NRG2: variants seen among roughly 807,000 people sequenced by gnomAD.
The protein encoded by NRG2 is neuregulin 2.
NRG2 carries 27 observed loss-of-function variants against 73.9 expected under a neutral mutation model. The ratio of observed to expected loss-of-function variants is 0.37; its 90% confidence interval spans 0.27 to 0.50. NRG2 has a LOEUF of 0.50. Among genes scored for constraint, NRG2 ranks in the 20% least tolerant of loss-of-function variants. The probability of loss-of-function intolerance (pLI) is 0.96; values close to 1 mark genes in which losing one functional copy is unlikely to be tolerated. For missense variants in NRG2, 1,126 were observed against 1,210.1 expected (o/e 0.93, Z 1.03); for synonymous variants, 532 against 541.0 (o/e 0.98, Z 0.23).
chr5:139,882,996 G>A lies in NRG2; in HGVS notation c.873-2022C>T, dbSNP rs141157601. On this transcript the variant is annotated intron_variant, in intron 2 of 9. Transcript: ENST00000361474. Reference sequence around the variant, plus strand: ...GCTGTCTGATGATTTCATAGAAGCCGGCCCCAGAGATGCACACGGGGCTCT... The same window carrying A: ...GCTGTCTGATGATTTCATAGAAGCCAGCCCCAGAGATGCACACGGGGCTCT... 1.6e-3 allele frequency among the ~76,000 whole-genome samples: 240 copies of A among 152,142 alleles called. 1 individual carries two copies. The highest frequency in any genetic ancestry group is 5.3e-3 in the African/African-American group (219 of 41,494).
chr5:139,873,547 G>A (rs1432267885), intron 3 of NRG2, among the ~76,000 whole-genome samples: 2 of 152,244 alleles, frequency 1.3e-5, no homozygotes, highest in African/African-American at 4.8e-5. Flanking sequence ...GAGCCTCAGG[G>A]CTCCTAGCCC....
chr5:139,955,790 G>A (rs866673358), intron 1 of NRG2, among the ~76,000 whole-genome samples: 1 of 152,158 alleles, frequency 6.6e-6, no homozygotes, highest in East Asian at 1.9e-4. Flanking sequence ...GAGGAGAAAC[G>A]TGACAAAGTG....
chr5:139,847,896 G>T lies in NRG2; in HGVS notation c.*21C>A, dbSNP rs1257979894. 3 of 1,405,416 alleles carry T rather than the reference G, an allele frequency of 2.1e-6. No individual in the cohort carries two copies. Among genetic ancestry groups the T allele is most frequent in the Non-Finnish European group, 2.8e-6 (3 of 1,085,354 alleles). 87.1% of individuals were successfully genotyped at this position (1,405,416 alleles called of 1,614,324 possible). A position where few individuals can be genotyped will look rare whatever the true frequency, so the allele number is the denominator to read the frequency against. On this transcript the variant is annotated 3_prime_UTR_variant, in exon 10 of 10. Coordinates refer to ENST00000361474, the MANE Select transcript of NRG2 (RefSeq NM_004883.3). ...TTAAAGATAGTGGGGCGGGCGGGGC[G>T]GAGGGGCGCGCGGCGGGGCCCTAGA... is the stretch of plus-strand genomic sequence containing the variant.
chr5:140,042,950 G>A lies in NRG2; in HGVS notation c.120C>T (p.Ser40=). The A allele has an allele frequency of 6.5e-7, 1 of 1,540,764 alleles. No homozygotes were observed. The highest frequency in any genetic ancestry group is 8.7e-7 in the Non-Finnish European group (1 of 1,145,328). ...TCCTGCTGCTGCTGCCGCTCTCGCTGCTGCTGCTGCTGCTGCTGCTGCTCC... is the reference window on the plus strand; with the variant it reads ...TCCTGCTGCTGCTGCCGCTCTCGCTACTGCTGCTGCTGCTGCTGCTGCTCC... ...SERSSSSSSS[S]SESGSSSRSS... is the part of the protein sequence containing the mutation. Residue 40 remains serine, a synonymous_variant, in exon 1 of 10, where the codon AGC becomes AGT. Transcript: ENST00000361474.
intron 1 of NRG2, among the ~76,000 whole-genome samples, chr5:139,908,689 T>C (rs878872067): frequency 6.6e-6 from 1 of 152,180 alleles, no homozygotes; most frequent in Admixed American, 6.5e-5. Flanking sequence ...CTCAAGAAGA[T>C]AGGAGATGAG....
intron 1 of NRG2, among the ~76,000 whole-genome samples, chr5:139,987,611 C>T (rs1463397968): frequency 1.3e-5 from 2 of 152,142 alleles, no homozygotes; most frequent in East Asian, 3.8e-4. Context: ...TCCCTGAATA[C>T]AGAGCTTTGA....
chr5:139,963,840 A>G (rs1157722471), intron 1 of NRG2, among the ~76,000 whole-genome samples: 4 of 152,144 alleles, frequency 2.6e-5, no homozygotes, highest in Non-Finnish European at 4.4e-5. Flanking sequence ...AGCATGCAGA[A>G]CCTCATCTAG....
chr5:139,969,233 GAC>G (rs1167695120), intron 1 of NRG2, among the ~76,000 whole-genome samples: 4 of 152,364 alleles, frequency 2.6e-5, no homozygotes, highest in East Asian at 3.9e-4. Context: ...TTATGACTCT[GAC>G]ACAGTTTCCT....
At chr5:139,901,038 C>T (rs1764855315) in intron 1 of NRG2, among the ~76,000 whole-genome samples, 1 of 152,232 alleles carries the variant, frequency 6.6e-6, no homozygotes, top group Admixed American at 6.5e-5. Context: ...GGACTATACC[C>T]TCTGTTTGCA....
At chr5:139,905,211 C>A (rs1015395446) in intron 1 of NRG2, among the ~76,000 whole-genome samples, 19 of 152,188 alleles carry the variant, frequency 1.2e-4, no homozygotes, top group African/African-American at 4.6e-4. Flanking sequence ...CAGACACTGA[C>A]TCCCCACCCC....
intron 1 of NRG2, among the ~76,000 whole-genome samples, chr5:139,986,533 G>A (rs543146408): frequency 1.2e-4 from 18 of 152,222 alleles, no homozygotes; most frequent in South Asian, 2.1e-4. Flanking sequence ...GGAGAAATCC[G>A]GCAAGTCATA....
intron 1 of NRG2, among the ~76,000 whole-genome samples, chr5:139,900,523 A>T (rs1242966318): frequency 2.0e-5 from 3 of 152,230 alleles, no homozygotes; most frequent in African/African-American, 7.2e-5. Flanking sequence ...GGGAAAACAC[A>T]ATGAGAACAT....
At chr5:140,017,747 G>A (rs265145) in intron 1 of NRG2, among the ~76,000 whole-genome samples, 35,927 of 152,024 alleles carry the variant, frequency 0.24, 4,564 homozygotes, top group African/African-American at 0.32. Context: ...TTCTTTCAAG[G>A]AGATTGGTTG....
chr5:139,922,226 A>G (rs1164943403), intron 1 of NRG2, among the ~76,000 whole-genome samples: 1 of 152,190 alleles, frequency 6.6e-6, no homozygotes, highest in East Asian at 1.9e-4. Flanking sequence ...TTTTATCCAA[A>G]ACATACAAAG....
chr5:140,009,428 G>A (rs971537019), intron 1 of NRG2, among the ~76,000 whole-genome samples: 1 of 152,182 alleles, frequency 6.6e-6, no homozygotes, highest in African/African-American at 2.4e-5. Context: ...TTTAAAAAAT[G>A]CTTTGACAAT....
intron 1 of NRG2, among the ~76,000 whole-genome samples, chr5:139,965,324 C>T (rs1755416221): frequency 1.3e-5 from 2 of 152,238 alleles, no homozygotes; most frequent in South Asian, 4.1e-4. Context: ...CTCTCAACTC[C>T]TCCCAAACCA....
chr5:139,984,022 G>T (rs1173523849), intron 1 of NRG2, among the ~76,000 whole-genome samples: 1 of 152,136 alleles, frequency 6.6e-6, no homozygotes, highest in Non-Finnish European at 1.5e-5. Context: ...GGGCATGCAA[G>T]AATTTACATT....
chr5:139,949,239 TA>T (rs1214975464), intron 1 of NRG2, among the ~76,000 whole-genome samples: 1 of 152,216 alleles, frequency 6.6e-6, no homozygotes, highest in Admixed American at 6.5e-5. Context: ...CAACAGCCCT[TA>T]AAAAATCAAT....
At chr5:139,944,082 CA>C (rs920433968) in intron 1 of NRG2, among the ~76,000 whole-genome samples, 3 of 149,408 alleles carry the variant, frequency 2.0e-5, no homozygotes, top group South Asian at 2.1e-4. Context: ...AATATGTGGG[CA>C]AAAAAAATTA....
Sources: allele counts gnomAD v4.1 joint callset (sites outside exome capture counted in the v4.1 genomes callset), GRCh38; gene constraint gnomAD v4.1.1; transcripts MANE v1.5; gene names NCBI Gene and HGNC (gene_info 2026-07-23, HGNC 2026-07-21).